NFIB: variants seen among roughly 807,000 people sequenced by gnomAD.
NFIB encodes the protein nuclear factor 1 B-type.
A neutral mutation model predicts 61.5 loss-of-function variants in NFIB; 11 were observed. The ratio of observed to expected loss-of-function variants is 0.18; its 90% CI spans 0.11 to 0.30. The LOEUF (loss-of-function observed/expected upper bound fraction) is 0.30, where lower values mean the gene tolerates loss of function less well. Among genes scored for constraint, NFIB ranks in the 10% least tolerant of loss-of-function variants. The probability of loss-of-function intolerance (pLI) is 1.00; values close to 1 mark genes in which losing one functional copy is unlikely to be tolerated. For synonymous variants in NFIB, 260 were observed against 216.5 expected (o/e 1.20, Z -1.76); for missense variants, 471 against 608.9 (o/e 0.77, Z 2.38).
chr9:14,353,185 GCAGA>G (rs1420323576), intron 1 of NFIB, among the ~76,000 whole-genome samples: 1 of 152,086 alleles, frequency 6.6e-6, no homozygotes, highest in Non-Finnish European at 1.5e-5. Flanking sequence ...GACTGTAGGG[GCAGA>G]CAGAGGGTGG....
At chr9:14,361,798 G>T (rs773594500) in intron 1 of NFIB, 18 of 152,146 alleles carry the variant, frequency 1.2e-4, no homozygotes, top group Non-Finnish European at 2.6e-4. Context: ...GGGAACAAAT[G>T]AGGTTTACCA....
chr9:14,083,584 A>G lies in NFIB; in HGVS notation c.*4725T>C, dbSNP rs965027151. 4.4e-6 allele frequency: 1 copy of G among 228,642 alleles called. No individual in the cohort carries two copies. Among genetic ancestry groups the G allele is most frequent in the Non-Finnish European group, 8.7e-6 (1 of 114,914 alleles). The allele number at this position is 228,642 out of a possible 1,614,324, so 14.2% of individuals were successfully genotyped here. The stretch of plus-strand genomic sequence containing the variant: ...ACAAAAGACCTTGACAGGAACATGT[A>G]AACTATATTGAATGTCATGCTTGGG... On this transcript the variant is annotated 3_prime_UTR_variant, in exon 11 of 11. Transcript: ENST00000380953.
intron 2 of NFIB, among the ~76,000 whole-genome samples, chr9:14,289,381 C>A (rs569961449): frequency 6.6e-6 from 1 of 151,620 alleles, no homozygotes; most frequent in Non-Finnish European, 1.5e-5. Flanking sequence ...CACCTGATCA[C>A]TGTCATCTAA....
intron 1 of NFIB, chr9:14,357,844 G>A (rs1266863920): frequency 1.3e-5 from 2 of 152,212 alleles, no homozygotes; most frequent in African/African-American, 4.8e-5. Flanking sequence ...GCGTTAACAA[G>A]GATGGACCTT....
chr9:14,526,007 G>A, the NFIB span, among the ~76,000 whole-genome samples: 14 of 152,036 alleles, frequency 9.2e-5, no homozygotes, highest in Non-Finnish European at 2.1e-4. Flanking sequence ...TCATCCTCAC[G>A]ACAGGTTGGA....
rs995924369 is a variant in NFIB, at chr9:14,082,953, G to A, written c.*5356C>T. 5 of 206,868 alleles carry A rather than the reference G, an allele frequency of 2.4e-5. No individual in the cohort carries two copies. The highest frequency in any genetic ancestry group is 1.5e-3 in the Middle Eastern group (1 of 656). 12.8% of individuals were successfully genotyped at this position (206,868 alleles called of 1,614,324 possible). On this transcript the variant is annotated 3_prime_UTR_variant, in exon 11 of 11. Coordinates refer to ENST00000380953, the MANE Select transcript of NFIB (RefSeq NM_001190737.2). The stretch of plus-strand genomic sequence containing the variant: ...TAGGCCACCTGTTGTTCCTGGTACT[G>A]TATCATGCAATAAGTCATCAAGGGC...
intron 2 of NFIB, among the ~76,000 whole-genome samples, chr9:14,214,030 C>T (rs1038617576): frequency 2.0e-5 from 3 of 152,176 alleles, no homozygotes; most frequent in Non-Finnish European, 4.4e-5. Flanking sequence ...CATCAGGTCT[C>T]GTTTCCAATA....
intron 6 of NFIB, among the ~76,000 whole-genome samples, chr9:14,126,720 G>A (rs1257668871): frequency 4.6e-5 from 7 of 152,196 alleles, no homozygotes; most frequent in African/African-American, 7.2e-5. Context: ...TAGGAGAAAC[G>A]CCATAGATGG....
At position 14,081,853 on chromosome 9, in the gene NFIB, A is replaced by C; in HGVS notation, c.*6456T>G. The C allele has an allele frequency of 5.4e-6, 1 of 184,158 alleles. No homozygotes were observed. Among genetic ancestry groups the C allele is most frequent in the East Asian group, 8.8e-5 (1 of 11,312 alleles). The allele number at this position is 184,158 out of a possible 1,614,324, so 11.4% of individuals were successfully genotyped here. On this transcript the variant is annotated 3_prime_UTR_variant, in exon 11 of 11. Coordinates refer to ENST00000380953, the MANE Select transcript of NFIB (RefSeq NM_001190737.2). The stretch of plus-strand genomic sequence containing the variant: ...AATAAAACATGAGGCCAGAGTCTGT[A>C]GCATAGCTCATTTTATTGTTTAAAC...
At chr9:14,137,696 A>T (rs2041221619) in intron 6 of NFIB, among the ~76,000 whole-genome samples, 1 of 152,186 alleles carries the variant, frequency 6.6e-6, no homozygotes, top group African/African-American at 2.4e-5. Context: ...ACAGAACTAA[A>T]AGAAAACATA....
At chr9:14,417,137 T>C in the NFIB span, among the ~76,000 whole-genome samples, 4 of 151,624 alleles carry the variant, frequency 2.6e-5, no homozygotes, top group East Asian at 7.7e-4. Context: ...GTGATCTGCC[T>C]GCCTCAGCCT....
chr9:14,305,400 T>C (rs2059964300), intron 2 of NFIB, among the ~76,000 whole-genome samples: 1 of 152,194 alleles, frequency 6.6e-6, no homozygotes, highest in Non-Finnish European at 1.5e-5. Context: ...TTATAGTCAA[T>C]CCAACACATA....
At chr9:14,326,944 T>C (rs886077864) in intron 1 of NFIB, among the ~76,000 whole-genome samples, 1 of 152,198 alleles carries the variant, frequency 6.6e-6, no homozygotes, top group African/African-American at 2.4e-5. Context: ...AACTTTAGAA[T>C]TTCAACCATC....
intron 2 of NFIB, among the ~76,000 whole-genome samples, chr9:14,236,819 A>T (rs1359821837): frequency 3.3e-5 from 5 of 151,920 alleles, no homozygotes; most frequent in African/African-American, 9.7e-5. Flanking sequence ...GCAAACAGTA[A>T]ACTCTACTGT....
intron 1 of NFIB, among the ~76,000 whole-genome samples, chr9:14,345,505 A>C (rs773121818): frequency 6.6e-6 from 1 of 152,178 alleles, no homozygotes; most frequent in Non-Finnish European, 1.5e-5. Context: ...AGGCTATGCG[A>C]AAGGTGCAGA....
chr9:14,124,543 T>C (rs1272435729), intron 7 of NFIB, among the ~76,000 whole-genome samples: 1 of 152,194 alleles, frequency 6.6e-6, no homozygotes, highest in African/African-American at 2.4e-5. Context: ...TGCATAAAGA[T>C]TTAAAAACCA....
Position 14,150,258 on chromosome 9 carries a change from T to A in NFIB, c.693A>T (p.Ile231=). ...SELVRVSRTP[I]TQGTGVNFPI... is the part of the protein sequence containing the mutation. Reference sequence around the variant, plus strand: ...GGAAGTTGACTCCAGTTCCCTGGGTTATGGGCGCTGAGGAATAAGACAAAG... The same window carrying A: ...GGAAGTTGACTCCAGTTCCCTGGGTAATGGGCGCTGAGGAATAAGACAAAG... Residue 231 remains isoleucine, a synonymous_variant, in exon 5 of 11, where the codon ATA becomes ATT. Transcript: ENST00000380953. 1 of 1,613,374 alleles carries A rather than the reference T, an allele frequency of 6.2e-7. No homozygotes were observed. The highest frequency in any genetic ancestry group is 1.3e-5 in the African/African-American group (1 of 74,996).
At chr9:14,339,014 T>C (rs942069210) in intron 1 of NFIB, among the ~76,000 whole-genome samples, 2 of 152,210 alleles carry the variant, frequency 1.3e-5, no homozygotes, top group African/African-American at 2.4e-5. Context: ...ATTCTGCTCA[T>C]GAGCCTGGGA....
At chr9:14,462,427 C>T in the NFIB span, among the ~76,000 whole-genome samples, 1 of 152,022 alleles carries the variant, frequency 6.6e-6, no homozygotes, top group Non-Finnish European at 1.5e-5. Flanking sequence ...GGACTACAGG[C>T]ACCCGCCACC....
Sources: gnomAD v4.1 joint callset for allele counts (sites outside exome capture counted in the v4.1 genomes callset) on GRCh38, gnomAD v4.1.1 for gene constraint, MANE v1.5 for transcripts, NCBI Gene and HGNC (gene_info 2026-07-23, HGNC 2026-07-21) for gene names.